The following BRI3BP variants were observed in gnomAD, a reference collection of about 807,000 sequenced individuals.
BRI3BP encodes the protein BRI3 binding protein, also known as BRI3-binding protein.
In BRI3BP, 7 loss-of-function variants were observed where a neutral mutation model predicts 15.8. That is an observed-to-expected ratio of 0.44 (90% CI 0.25 to 0.83). BRI3BP has a LOEUF of 0.83. BRI3BP is among the 40% of genes least tolerant of loss of function. BRI3BP has a pLI of 0.20. For missense variants in BRI3BP, 320 were observed against 339.3 expected (o/e 0.94, Z 0.45); for synonymous variants, 192 against 163.5 (o/e 1.17, Z -1.33).
intron 1 of BRI3BP, among the ~76,000 whole-genome samples, chr12:125,008,381 C>T (rs1955166932): frequency 6.9e-6 from 1 of 144,772 alleles, no homozygotes; most frequent in African/African-American, 2.6e-5. Context: ...GGCGCGATCT[C>T]GGCTCACTGC....
At chr12:125,043,453 C>T in the BRI3BP span, among the ~76,000 whole-genome samples, 19 of 152,194 alleles carry the variant, frequency 1.2e-4, no homozygotes, top group East Asian at 3.9e-4. Context: ...GGCCAGGCGT[C>T]GTGGCTTATG....
At chr12:125,048,889 G>C in the BRI3BP span, among the ~76,000 whole-genome samples, 1 of 152,070 alleles carries the variant, frequency 6.6e-6, no homozygotes, top group Non-Finnish European at 1.5e-5. Context: ...CCAAGTAGAG[G>C]TGATGGTGGG....
intron 2 of BRI3BP, among the ~76,000 whole-genome samples, chr12:125,022,541 A>ATTTTATTTTTTTTTTT (rs1955309225): frequency 1.0e-4 from 14 of 139,434 alleles, no homozygotes; most frequent in African/African-American, 3.5e-4. Flanking sequence ...TTATTTATTT[A>ATTTTATTTTTTTTTTT]TTTTTTGAGA....
chr12:125,044,575 A>C, the BRI3BP span, among the ~76,000 whole-genome samples: 1 of 150,186 alleles, frequency 6.7e-6, no homozygotes, highest in Non-Finnish European at 1.5e-5. Context: ...TCAGCCTCCC[A>C]AGTAGCTGGG....
the BRI3BP span, among the ~76,000 whole-genome samples, chr12:125,043,975 T>G: frequency 1.2e-3 from 182 of 149,490 alleles, no homozygotes; most frequent in African/African-American, 4.2e-3. Context: ...CAGTGAGCTG[T>G]GATCACACCA....
the BRI3BP span, among the ~76,000 whole-genome samples, chr12:125,041,466 C>G: frequency 6.6e-6 from 1 of 152,144 alleles, no homozygotes; most frequent in Non-Finnish European, 1.5e-5. Flanking sequence ...ATATAACCCA[C>G]AGAAACAAAA....
the BRI3BP span, among the ~76,000 whole-genome samples, chr12:125,036,988 A>G: frequency 2.3e-3 from 352 of 152,340 alleles, 2 homozygotes; most frequent in African/African-American, 8.1e-3. Context: ...AGTCTATACT[A>G]TTGTATTACA....
At chr12:125,037,811 C>CAAAAAA in the BRI3BP span, among the ~76,000 whole-genome samples, 1 of 80,202 alleles carries the variant, frequency 1.2e-5, no homozygotes. Context: ...GACTCTGTCT[C>CAAAAAA]AAAAAAAAAA....
intron 1 of BRI3BP, among the ~76,000 whole-genome samples, chr12:125,000,022 T>TC (rs1955075013): frequency 7.2e-6 from 1 of 139,180 alleles, no homozygotes; most frequent in South Asian, 2.4e-4. Context: ...TTTTCTTTTT[T>TC]TTTTTTTTTT....
chr12:125,039,100 A>G, the BRI3BP span, among the ~76,000 whole-genome samples: 1 of 152,324 alleles, frequency 6.6e-6, no homozygotes, highest in East Asian at 1.9e-4. Context: ...AAAAAATAAA[A>G]AAACCCCAAA....
intron 1 of BRI3BP, among the ~76,000 whole-genome samples, chr12:125,003,511 G>A (rs986170720): frequency 6.6e-6 from 1 of 152,148 alleles, no homozygotes; most frequent in African/African-American, 2.4e-5. Flanking sequence ...TTCCCATGTA[G>A]CAACTTTCTG....
chr12:125,022,541 A>ATTTATTTATTTTTATTTTTTTTT, intron 2 of BRI3BP, among the ~76,000 whole-genome samples: 1 of 139,404 alleles, frequency 7.2e-6, no homozygotes, highest in South Asian at 2.2e-4. Context: ...TTATTTATTT[A>ATTTATTTATTTTTATTTTTTTTT]TTTTTTGAGA....
intron 1 of BRI3BP, among the ~76,000 whole-genome samples, chr12:125,005,551 T>G (rs528370608): frequency 7.0e-4 from 106 of 152,118 alleles, no homozygotes; most frequent in African/African-American, 2.5e-3. Flanking sequence ...GGCAGATCAC[T>G]TGAGGTCAGG....
intron 2 of BRI3BP, among the ~76,000 whole-genome samples, chr12:125,013,714 C>T (rs552336359): frequency 4.4e-4 from 67 of 152,290 alleles, no homozygotes; most frequent in Admixed American, 1.7e-3. Flanking sequence ...GCAAGAATTG[C>T]CAGGGGAGCT....
Position 125,002,555 on chromosome 12 carries a change from C to T in BRI3BP, c.213+8552C>T, listed in dbSNP as rs183999750. On this transcript the variant is annotated intron_variant, in intron 1 of 2. Transcript: ENST00000341446. ...CACTGCAACCTCCGCCTCCGGGGTT[C>T]ACGCCATTCTCCTGCCTCAGCCTCC... is the stretch of plus-strand genomic sequence containing the variant. Among the ~76,000 whole-genome samples the T allele has an allele frequency of 2.8e-3, 418 of 150,926 alleles. 4 individuals are homozygous for T. The highest frequency in any genetic ancestry group is 9.3e-3 in the African/African-American group (383 of 41,104).
chr12:124,994,394 C>T (rs553319865), intron 1 of BRI3BP, among the ~76,000 whole-genome samples: 2 of 152,314 alleles, frequency 1.3e-5, no homozygotes, highest in South Asian at 4.1e-4. Flanking sequence ...CTGCGCCCTC[C>T]CCAGCTACCC....
chr12:125,015,406 G>A (rs1418889431), intron 2 of BRI3BP, among the ~76,000 whole-genome samples: 1 of 152,172 alleles, frequency 6.6e-6, no homozygotes, highest in Non-Finnish European at 1.5e-5. Context: ...CCAGAAGCTG[G>A]AAGAGGCGAG....
At chr12:125,032,677 C>T (rs965149856), downstream of BRI3BP, among the ~76,000 whole-genome samples, 5 of 151,954 alleles carry the variant, frequency 3.3e-5, no homozygotes, top group African/African-American at 9.7e-5. Flanking sequence ...GGGAGGCTGA[C>T]GTGGGAGGAT....
At chr12:124,999,074 T>A (rs1955062250) in intron 1 of BRI3BP, among the ~76,000 whole-genome samples, 2 of 152,130 alleles carry the variant, frequency 1.3e-5, no homozygotes, top group South Asian at 4.1e-4. Flanking sequence ...CAAAACTCTT[T>A]GTCTCCAAAA....
Sources: gnomAD v4.1 joint callset for allele counts (sites outside exome capture counted in the v4.1 genomes callset) on GRCh38, gnomAD v4.1.1 for gene constraint, MANE v1.5 for transcripts, NCBI Gene and HGNC (gene_info 2026-07-23, HGNC 2026-07-21) for gene names.